Variants in PFN4 observed in about 807,000 individuals in gnomAD.
PFN4 encodes profilin-4.
A neutral mutation model predicts 16.3 loss-of-function variants in PFN4; 10 were observed. The observed-to-expected ratio is 0.61, with a 90% CI of 0.38 to 1.04. PFN4 has a LOEUF of 1.04. Among genes scored for constraint, PFN4 ranks in the 50% least tolerant of loss-of-function variants. The probability of loss-of-function intolerance (pLI) is 0.01; values close to 1 mark genes in which losing one functional copy is unlikely to be tolerated. For synonymous variants in PFN4, 54 were observed against 56.9 expected (o/e 0.95, Z 0.23); for missense variants, 136 against 153.6 (o/e 0.89, Z 0.61).
intron 4 of PFN4, among the ~76,000 whole-genome samples, chr2:24,118,104 G>A (rs1011290727): frequency 6.6e-6 from 1 of 152,182 alleles, no homozygotes; most frequent in African/African-American, 2.4e-5. Context: ...TGGGGAATTA[G>A]CCCTGAGCCC....
At chr2:24,120,609 G>A (rs1666080664) in intron 3 of PFN4, among the ~76,000 whole-genome samples, 1 of 151,992 alleles carries the variant, frequency 6.6e-6, no homozygotes, top group Non-Finnish European at 1.5e-5. Flanking sequence ...AAGCCGGAGT[G>A]CAATGGCACG....
chr2:24,117,396 T>A (rs1402906857), intron 4 of PFN4, among the ~76,000 whole-genome samples: 1 of 152,084 alleles, frequency 6.6e-6, no homozygotes, highest in Non-Finnish European at 1.5e-5. Context: ...TTCATGCCCC[T>A]AGAATCTTTC....
At chr2:24,119,046 G>C (rs1440239241) in intron 4 of PFN4, among the ~76,000 whole-genome samples, 4 of 152,034 alleles carry the variant, frequency 2.6e-5, no homozygotes, top group Non-Finnish European at 1.5e-5. Context: ...GTATAGACAC[G>C]GAGGGGGAAT....
chr2:24,122,703 C>T, intron 1 of PFN4, 156 bp from the exon 2 acceptor site: 1 of 522,126 alleles, frequency 1.9e-6, no homozygotes, highest in East Asian at 3.0e-5. Context: ...ATTCAGGGCC[C>T]ACCAGTACCC....
chr2:24,122,601 A>C, intron 1 of PFN4, 54 bp from the exon 2 acceptor site: 1 of 1,065,380 alleles, frequency 9.4e-7, no homozygotes, highest in Non-Finnish European at 1.5e-6. Flanking sequence ...TTTAAAAGGC[A>C]TGTGAATACA....
rs1345770091 is a variant in PFN4, at chr2:24,123,312, G to A, written c.-207C>T. Reference sequence around the variant, plus strand: ...CCCGACCGTCAACGGACGCGGTTGCGGGTGGGTGGCGGCGGCAGGATTGGC... The same window carrying A: ...CCCGACCGTCAACGGACGCGGTTGCAGGTGGGTGGCGGCGGCAGGATTGGC... On this transcript the variant is annotated 5_prime_UTR_variant, in exon 1 of 5. Transcript: ENST00000313213. The A allele has an allele frequency of 6.6e-6, 1 of 152,258 alleles. No individual in the cohort carries two copies. The highest frequency in any genetic ancestry group is 1.5e-5 in the Non-Finnish European group (1 of 68,086). 9.4% of individuals were successfully genotyped at this position (152,258 alleles called of 1,614,324 possible).
Position 24,122,419 on chromosome 2 carries a change from A to C in PFN4, c.117T>G (p.Asn39Lys), listed in dbSNP as rs752312783. ...TAGGTCCAAACTTGTTTTTTCTTAC[A>C]TTGAAACCTGGTGATGCTACACACA... ...RSLCVASPGF[N>K]VTPSDVRTLV... The change falls in exon 2 of 5, where the codon AAT becomes AAG. Residue 39 changes from asparagine (N) to lysine (K), a missense_variant and splice_region_variant. Asn to Lys is a moderately conservative substitution (Grantham distance 94). Transcript: ENST00000313213. 2 of 1,606,790 alleles carry C rather than the reference A, an allele frequency of 1.2e-6. No individual in the cohort carries two copies. The highest frequency in any genetic ancestry group is 3.4e-5 in the Admixed American group (2 of 59,550).
chr2:24,121,136 A>T (rs768465074), intron 3 of PFN4, 27 bp downstream of exon 3: 1 of 1,612,784 alleles, frequency 6.2e-7, no homozygotes, highest in East Asian at 2.2e-5. Flanking sequence ...TCTTTTACTC[A>T]GCTCTCTTCA....
chr2:24,121,312 A>G lies in PFN4; in HGVS notation c.118-12T>C, dbSNP rs563264176. On this transcript the variant is annotated splice_polypyrimidine_tract_variant and intron_variant, in intron 2 of 4. Coordinates refer to ENST00000313213, the MANE Select transcript of PFN4 (RefSeq NM_199346.3). ...TCACTGGGCGTTACCTGGAGAGGTT[A>G]CATGGTTAGAGCAGGAGTCAGCCAA... 1.0e-4 allele frequency: 169 copies of G among 1,613,952 alleles called. No homozygotes were observed. In the South Asian group the frequency reaches 1.7e-3, roughly 16 times the overall value.
chr2:24,118,526 C>A (rs1665994495), intron 4 of PFN4, among the ~76,000 whole-genome samples: 1 of 152,170 alleles, frequency 6.6e-6, no homozygotes, highest in Admixed American at 6.5e-5. Context: ...TAAGACAAGA[C>A]AAATGCCTTC....
Position 24,119,687 on chromosome 2 carries a change from A to G in PFN4, c.256-5T>C. The G allele has an allele frequency of 6.2e-7, 1 of 1,600,478 alleles. No individual in the cohort carries two copies. The highest frequency in any genetic ancestry group is 8.6e-7 in the Non-Finnish European group (1 of 1,169,312). The stretch of plus-strand genomic sequence containing the variant: ...GACAACCACACCAGTGTTCTCCTGT[A>G]TAAAGAATATAAGAGAATATTCTGC... On this transcript the variant is annotated splice_polypyrimidine_tract_variant and splice_region_variant and intron_variant, in intron 3 of 4. Coordinates refer to ENST00000313213, the MANE Select transcript of PFN4 (RefSeq NM_199346.3).
chr2:24,115,907 C>CAAAAA (rs35038662), intron 4 of PFN4, among the ~76,000 whole-genome samples: 2 of 117,050 alleles, frequency 1.7e-5, no homozygotes, highest in Non-Finnish European at 1.8e-5. Flanking sequence ...GGTTCCCATG[C>CAAAAA]AAAAAAAAAA....
Position 24,121,265 on chromosome 2 carries a change from T to A in PFN4, c.153A>T (p.Gly51=). The A allele has an allele frequency of 6.2e-7, 1 of 1,614,150 alleles. No homozygotes were observed. The highest frequency in any genetic ancestry group is 2.2e-5 in the East Asian group (1 of 44,874). Residue 51 remains glycine, a synonymous_variant, in exon 3 of 5, where the codon GGA becomes GGT. Transcript: ENST00000313213. ...TPSDVRTLVN[G]FAKNPLQARR... ...GGGCTTGCAAAGGGTTCTTGGCAAA[T>A]CCATTCACCAGTGTTCGGACATCAC...
intron 4 of PFN4, 59 bp downstream of exon 4, chr2:24,119,518 G>A (rs958471950): frequency 1.3e-5 from 16 of 1,239,622 alleles, no homozygotes; most frequent in East Asian, 9.3e-5. Context: ...TCTGTTACTC[G>A]TAGTCGGAAG....
intron 3 of PFN4, among the ~76,000 whole-genome samples, chr2:24,120,273 A>AC (rs554716457): frequency 2.2e-5 from 3 of 135,944 alleles, no homozygotes; most frequent in African/African-American, 7.8e-5. Context: ...CGTCTCAAAA[A>AC]AAAAAACAAC....
At chr2:24,122,372 A>C (rs1558379884) in intron 2 of PFN4, 47 bp downstream of exon 2, 1 of 1,336,126 alleles carries the variant, frequency 7.5e-7, no homozygotes, top group Admixed American at 2.0e-5. Flanking sequence ...GGAAGAATAG[A>C]AATAATAAGT....
intron 4 of PFN4, 122 bp from the exon 5 acceptor site, chr2:24,115,733 C>G: frequency 9.4e-7 from 1 of 1,059,362 alleles, no homozygotes; most frequent in Non-Finnish European, 1.4e-6. Flanking sequence ...AGGCACTGTG[C>G]TAGGTACTGG....
intron 3 of PFN4, among the ~76,000 whole-genome samples, chr2:24,119,980 T>C (rs1399491392): frequency 6.6e-6 from 1 of 152,116 alleles, no homozygotes; most frequent in East Asian, 1.9e-4. Flanking sequence ...TTAGAACAAC[T>C]GATGTAGGCC....
chr2:24,120,563 T>A (rs926109519), intron 3 of PFN4, among the ~76,000 whole-genome samples: 4 of 151,828 alleles, frequency 2.6e-5, no homozygotes, highest in African/African-American at 7.3e-5. Context: ...TTTTTTAAAA[T>A]TTTTTTTTTG....
Sources: gnomAD v4.1 joint callset for allele counts (sites outside exome capture counted in the v4.1 genomes callset) on GRCh38, gnomAD v4.1.1 for gene constraint, MANE v1.5 for transcripts, NCBI Gene and HGNC (gene_info 2026-07-23, HGNC 2026-07-21) for gene names.